Variants in ENAH observed in about 807,000 individuals in gnomAD.
ENAH encodes the protein ENAH actin regulator.
In ENAH, 23 loss-of-function variants were observed where a neutral mutation model predicts 78.7. The observed-to-expected ratio is 0.29, with a 90% CI of 0.21 to 0.41. ENAH has a LOEUF of 0.41. Among genes scored for constraint, ENAH ranks in the 10% least tolerant of loss-of-function variants. The pLI is 1.00. For missense variants in ENAH, 544 were observed against 691.0 expected, an observed-to-expected ratio of 0.79 and a Z score of 2.39; for synonymous variants, 226 against 241.0, an observed-to-expected ratio of 0.94 and a Z score of 0.58.
In ENAH at chr1:225,613,529, T is replaced by C. The variant is rs115075095; in HGVS notation, c.5+39157A>G. 2.8e-3 allele frequency among the ~76,000 whole-genome samples: 433 copies of C among 152,308 alleles called. 1 individual carries two copies. The highest frequency in any genetic ancestry group is 0.01 in the African/African-American group (425 of 41,562). ...GTCAATTTTATGTGTAATAAGCACA[T>C]ATTTTATTTTTAACACTATTTTTAA... is the stretch of plus-strand genomic sequence containing the variant. On this transcript the variant is annotated intron_variant, in intron 1 of 13. Coordinates refer to ENST00000366843, the MANE Select transcript of ENAH (RefSeq NM_018212.6).
intron 10 of ENAH, chr1:225,508,704 A>G (rs1160912647): frequency 2.0e-5 from 3 of 152,190 alleles, no homozygotes; most frequent in Non-Finnish European, 4.4e-5. Flanking sequence ...TTGTTTTTCT[A>G]ATCTGGGCTG....
In ENAH at chr1:225,509,317, C is replaced by T. The variant is rs150167454; in HGVS notation, c.1472-1300G>A. On this transcript the variant is annotated intron_variant, in intron 10 of 13. Transcript: ENST00000366843. ...TCGGACACTGTCACTAAAGAGGCGG[C>T]GGGTGGAAGGATGAGGGAGTAATTC... Among the ~76,000 whole-genome samples, 134 of 152,168 alleles carry T rather than the reference C, an allele frequency of 8.8e-4. 1 individual carries two copies. The highest frequency in any genetic ancestry group is 3.2e-3 in the African/African-American group (133 of 41,498).
At chr1:225,555,499 G>A (rs529782904) in intron 2 of ENAH, among the ~76,000 whole-genome samples, 21 of 151,764 alleles carry the variant, frequency 1.4e-4, no homozygotes, top group African/African-American at 3.9e-4. Context: ...AGAAAATGGC[G>A]TGAATCCAGG....
intron 1 of ENAH, among the ~76,000 whole-genome samples, chr1:225,615,957 T>C (rs935488731): frequency 1.4e-4 from 22 of 152,186 alleles, no homozygotes; most frequent in Non-Finnish European, 2.5e-4. Context: ...GAAGCAGACA[T>C]AGGAGACTCC....
chr1:225,515,156 CT>C (rs954466845), intron 6 of ENAH: 1,577 of 365,008 alleles, frequency 4.3e-3, no homozygotes, highest in Middle Eastern at 8.7e-3. Flanking sequence ...CTAATTAAGA[CT>C]TTTTTTTTTC....
chr1:225,595,942 C>A (rs2096899834), intron 1 of ENAH, among the ~76,000 whole-genome samples: 1 of 152,176 alleles, frequency 6.6e-6, no homozygotes, highest in Non-Finnish European at 1.5e-5. Flanking sequence ...ATGTCTGCAA[C>A]TGAACTTAAG....
chr1:225,570,217 A>G (rs2096754281), intron 1 of ENAH, among the ~76,000 whole-genome samples: 1 of 151,466 alleles, frequency 6.6e-6, no homozygotes, highest in African/African-American at 2.4e-5. Context: ...AGCCCCCATC[A>G]AGGCCCAGCC....
chr1:225,586,645 T>C (rs2096848437), intron 1 of ENAH, among the ~76,000 whole-genome samples: 1 of 152,166 alleles, frequency 6.6e-6, no homozygotes. Flanking sequence ...GTAGGGTTTA[T>C]TCCAGGAATG....
chr1:225,526,496 G>C (rs986941313), intron 4 of ENAH, among the ~76,000 whole-genome samples: 2 of 151,986 alleles, frequency 1.3e-5, no homozygotes, highest in African/African-American at 4.8e-5. Context: ...ATGCCACCAG[G>C]CCTGGCTAAT....
chr1:225,623,590 T>G (rs1306862630), intron 1 of ENAH, among the ~76,000 whole-genome samples: 5 of 65,920 alleles, frequency 7.6e-5, no homozygotes, highest in South Asian at 6.7e-4. Flanking sequence ...TTGTTGGGTT[T>G]TTTTTTTTTT....
At chr1:225,579,339 G>A (rs995523210) in intron 1 of ENAH, among the ~76,000 whole-genome samples, 3 of 152,154 alleles carry the variant, frequency 2.0e-5, no homozygotes, top group Non-Finnish European at 4.4e-5. Context: ...TTTATTTGCT[G>A]AAATTTATGT....
intron 2 of ENAH, 105 bp downstream of exon 2, chr1:225,567,144 G>C (rs1430378569): frequency 1.6e-6 from 2 of 1,265,916 alleles, no homozygotes; most frequent in African/African-American, 1.5e-5. Context: ...TTCCCAGAGA[G>C]AGACTATTTT....
At chr1:225,562,502 G>A (rs1461813754) in intron 2 of ENAH, among the ~76,000 whole-genome samples, 1 of 136,270 alleles carries the variant, frequency 7.3e-6, no homozygotes, top group Admixed American at 8.4e-5. Flanking sequence ...AACCCGGAAG[G>A]CAGAGCTTGC....
At chr1:225,635,709 C>T (rs973058668) in intron 1 of ENAH, among the ~76,000 whole-genome samples, 3 of 152,116 alleles carry the variant, frequency 2.0e-5, no homozygotes, top group Non-Finnish European at 2.9e-5. Context: ...TGAGGTCACA[C>T]CAGAGTAGAG....
chr1:225,552,390 A>G (rs1335916892), intron 3 of ENAH, among the ~76,000 whole-genome samples: 2 of 152,142 alleles, frequency 1.3e-5, no homozygotes, highest in Non-Finnish European at 2.9e-5. Context: ...CACCCGCCTC[A>G]GCCTCCCAAA....
chr1:225,550,738 T>C (rs922662185), intron 3 of ENAH, among the ~76,000 whole-genome samples: 2 of 152,156 alleles, frequency 1.3e-5, no homozygotes, highest in African/African-American at 4.8e-5. Context: ...TCATGTTCAA[T>C]AGATTAAAAA....
At chr1:225,585,042 A>G (rs1022378422) in intron 1 of ENAH, among the ~76,000 whole-genome samples, 2 of 151,438 alleles carry the variant, frequency 1.3e-5, no homozygotes, top group African/African-American at 4.9e-5. Flanking sequence ...TGGTGAAACC[A>G]TATCTCTACT....
chr1:225,576,935 G>T (rs1419365687), intron 1 of ENAH, among the ~76,000 whole-genome samples: 1 of 152,150 alleles, frequency 6.6e-6, no homozygotes, highest in Non-Finnish European at 1.5e-5. Context: ...AGGAGTTCAA[G>T]ACCAGCCTGG....
At chr1:225,509,320 G>A (rs1033881436) in intron 10 of ENAH, among the ~76,000 whole-genome samples, 1 of 152,202 alleles carries the variant, frequency 6.6e-6, no homozygotes, top group Non-Finnish European at 1.5e-5. Flanking sequence ...GAGGCGGCGG[G>A]TGGAAGGATG....
Sources: gnomAD v4.1 joint callset for allele counts (sites outside exome capture counted in the v4.1 genomes callset) on GRCh38, gnomAD v4.1.1 for gene constraint, MANE v1.5 for transcripts, NCBI Gene and HGNC (gene_info 2026-07-23, HGNC 2026-07-21) for gene names.